Variants in TFEC observed in about 807,000 individuals in gnomAD.
TFEC encodes the protein transcription factor EC.
In TFEC, 31 loss-of-function variants were observed where a neutral mutation model predicts 41.6. The observed-to-expected ratio is 0.74, with a 90% confidence interval of 0.56 to 1.01. The LOEUF (loss-of-function observed/expected upper bound fraction) is 1.01. TFEC is among the 50% of genes least tolerant of loss of function. The pLI, the probability that TFEC is intolerant of heterozygous loss-of-function variation, is 0.00. For synonymous variants in TFEC, 143 were observed against 140.6 expected (o/e 1.02, Z -0.12); for missense variants, 402 against 404.1 (o/e 0.99, Z 0.04).
intron 2 of TFEC, among the ~76,000 whole-genome samples, chr7:115,982,156 C>A (rs566384006): frequency 6.6e-6 from 1 of 151,378 alleles, no homozygotes; most frequent in East Asian, 2.0e-4. Context: ...CTGGGGTCTT[C>A]TTTGAATTGA....
At chr7:116,001,546 C>CA (rs927494723) in intron 1 of TFEC, among the ~76,000 whole-genome samples, 4 of 149,188 alleles carry the variant, frequency 2.7e-5, no homozygotes, top group African/African-American at 7.4e-5. Flanking sequence ...AACAAACAAA[C>CA]AAAAAAAACA....
chr7:116,011,999 CCT>C (rs1177007212), intron 1 of TFEC, among the ~76,000 whole-genome samples: 2 of 152,154 alleles, frequency 1.3e-5, no homozygotes, highest in Non-Finnish European at 2.9e-5. Flanking sequence ...CCAAAATAAA[CCT>C]CTTTCTTCGT....
rs1340724441 is a variant in TFEC at position 115,984,466 on chromosome 7, G to A, written c.-25C>T. On this transcript the variant is annotated 5_prime_UTR_variant, in exon 2 of 8. Transcript: ENST00000265440. Reference sequence around the variant, plus strand: ...TGAAAGAGTTTACTTTCTGTCTCTGGGCTTTCTGTAGCTGAGGCCTTGCAG... The same window carrying A: ...TGAAAGAGTTTACTTTCTGTCTCTGAGCTTTCTGTAGCTGAGGCCTTGCAG... 1 of 1,613,896 alleles carries A rather than the reference G, an allele frequency of 6.2e-7. No homozygotes were observed. Among genetic ancestry groups the A allele is most frequent in the Non-Finnish European group, 8.5e-7 (1 of 1,179,982 alleles).
chr7:116,078,666 A>G (rs1320002156), intron 3 of TFEC, among the ~76,000 whole-genome samples: 2 of 152,126 alleles, frequency 1.3e-5, no homozygotes, highest in African/African-American at 4.8e-5. Context: ...GACCAATAGC[A>G]AGCAGTGATA....
chr7:115,999,085 T>C (rs1444338043), intron 1 of TFEC, among the ~76,000 whole-genome samples: 1 of 151,972 alleles, frequency 6.6e-6, no homozygotes, highest in Non-Finnish European at 1.5e-5. Flanking sequence ...ATAACAAGTC[T>C]TAAAAATTCA....
chr7:115,995,453 G>T (rs959922413), intron 1 of TFEC, among the ~76,000 whole-genome samples: 2 of 151,826 alleles, frequency 1.3e-5, no homozygotes, highest in Admixed American at 1.3e-4. Context: ...ATTAATGACA[G>T]CAATTATACA....
intron 3 of TFEC, among the ~76,000 whole-genome samples, chr7:116,040,589 G>C (rs1454928899): frequency 6.6e-6 from 1 of 151,948 alleles, no homozygotes; most frequent in African/African-American, 2.4e-5. Context: ...TATCTCTCCA[G>C]GTTAATAATC....
chr7:115,957,278 A>G (rs977624347), intron 3 of TFEC, among the ~76,000 whole-genome samples: 1 of 151,838 alleles, frequency 6.6e-6, no homozygotes. Flanking sequence ...GGTGTTTTAC[A>G]CTGTTAATTA....
At chr7:116,153,626 CT>C (rs1311299055) in intron 1 of TFEC, among the ~76,000 whole-genome samples, 1 of 151,852 alleles carries the variant, frequency 6.6e-6, no homozygotes, top group Non-Finnish European at 1.5e-5. Context: ...TGATCATTCA[CT>C]TTACCAGTAG....
At chr7:116,134,301 C>G (rs1328448649) in intron 1 of TFEC, among the ~76,000 whole-genome samples, 2 of 152,050 alleles carry the variant, frequency 1.3e-5, no homozygotes, top group Non-Finnish European at 2.9e-5. Flanking sequence ...AGCAGGGTGT[C>G]TATGCTTGAC....
At chr7:116,078,399 G>T (rs532097203) in intron 3 of TFEC, among the ~76,000 whole-genome samples, 2 of 151,982 alleles carry the variant, frequency 1.3e-5, no homozygotes, top group South Asian at 2.1e-4. Context: ...CAAAAAGCTG[G>T]TTATTTGAAA....
intron 1 of TFEC, chr7:116,117,411 C>A (rs1798014721): frequency 6.6e-6 from 1 of 151,760 alleles, no homozygotes; most frequent in Non-Finnish European, 1.5e-5. Flanking sequence ...GCTTACAATA[C>A]TTTCTTAGCG....
rs191495880 is a variant in TFEC at position 115,957,387 on chromosome 7, T to A, written c.268-594A>T. ...TATCCCAGCTGGTAACCAAAAGTAG[T>A]CTAAAACTACTTTTGCCTCTAGTGA... On this transcript the variant is annotated intron_variant, in intron 3 of 7. Coordinates refer to ENST00000265440, the MANE Select transcript of TFEC (RefSeq NM_012252.4). Among the ~76,000 whole-genome samples, 465 of 151,910 alleles carry A rather than the reference T, an allele frequency of 3.1e-3. 11 individuals carry two copies. The highest frequency in any genetic ancestry group is 0.026 in the Admixed American group (400 of 15,188).
At chr7:116,040,853 T>A (rs1796020400) in intron 3 of TFEC, among the ~76,000 whole-genome samples, 1 of 152,178 alleles carries the variant, frequency 6.6e-6, no homozygotes, top group Non-Finnish European at 1.5e-5. Flanking sequence ...GATTCTTACG[T>A]CAAATGGTAA....
chr7:116,103,495 A>C (rs1797648999), intron 3 of TFEC, among the ~76,000 whole-genome samples: 1 of 152,198 alleles, frequency 6.6e-6, no homozygotes, highest in African/African-American at 2.4e-5. Flanking sequence ...AAAAATAATA[A>C]TTAACAAATA....
chr7:116,044,674 A>G, intron 3 of TFEC, among the ~76,000 whole-genome samples: 1 of 152,228 alleles, frequency 6.6e-6, no homozygotes, highest in East Asian at 1.9e-4. Flanking sequence ...TTCCTAATCA[A>G]CAGCCAGATG....
chr7:116,011,959 T>G (rs1390740266), intron 1 of TFEC, among the ~76,000 whole-genome samples: 3 of 152,244 alleles, frequency 2.0e-5, no homozygotes, highest in African/African-American at 7.2e-5. Context: ...GCTGGCACTA[T>G]GCTTCTTGTA....
At chr7:116,086,394 A>T (rs937141919) in intron 3 of TFEC, among the ~76,000 whole-genome samples, 1 of 151,858 alleles carries the variant, frequency 6.6e-6, no homozygotes, top group East Asian at 1.9e-4. Flanking sequence ...TAACCATTCA[A>T]TTGTTCTTAT....
intron 3 of TFEC, among the ~76,000 whole-genome samples, chr7:116,097,743 G>A (rs990185174): frequency 1.3e-5 from 2 of 152,030 alleles, no homozygotes; most frequent in African/African-American, 4.8e-5. Context: ...ATGGATAACC[G>A]AAAACAGCAC....
Sources: gnomAD v4.1 joint callset for allele counts (sites outside exome capture counted in the v4.1 genomes callset) on GRCh38, gnomAD v4.1.1 for gene constraint, MANE v1.5 for transcripts, NCBI Gene and HGNC (gene_info 2026-07-23, HGNC 2026-07-21) for gene names.